The following MED15 variants were observed in gnomAD, a reference collection of about 807,000 sequenced individuals.
The protein encoded by MED15 is mediator complex subunit 15.
In MED15, 41 loss-of-function variants were observed where a neutral mutation model predicts 118.7. That is an observed-to-expected ratio of 0.35 (90% CI 0.27 to 0.45). The LOEUF is 0.45. MED15 is among the 20% of genes least tolerant of loss of function. The pLI, the probability that MED15 is intolerant of heterozygous loss-of-function variation, is 1.00. For missense variants in MED15, 740 were observed against 1,025.5 expected, an observed-to-expected ratio of 0.72 and a Z score of 3.80; for synonymous variants, 436 against 413.9, an observed-to-expected ratio of 1.05 and a Z score of -0.65.
intron 2 of MED15, among the ~76,000 whole-genome samples, chr22:20,538,812 G>A (rs550590808): frequency 4.0e-5 from 6 of 151,858 alleles, no homozygotes; most frequent in East Asian, 2.0e-4. Flanking sequence ...CGATTCTTCC[G>A]CCTCAGCCTC....
At chr22:20,539,474 C>G (rs1231794101) in intron 2 of MED15, among the ~76,000 whole-genome samples, 5 of 152,166 alleles carry the variant, frequency 3.3e-5, no homozygotes, top group African/African-American at 1.2e-4. Flanking sequence ...TATTTTATAG[C>G]CATTCGTTAG....
chr22:20,580,918 T>TA (rs1442252631), intron 9 of MED15, among the ~76,000 whole-genome samples: 1 of 152,200 alleles, frequency 6.6e-6, no homozygotes, highest in African/African-American at 2.4e-5. Context: ...CTCCATTAGG[T>TA]AGAGTGATGA....
At chr22:20,582,783 C>T in intron 10 of MED15, 36 bp downstream of exon 10, 1 of 1,593,618 alleles carries the variant, frequency 6.3e-7, no homozygotes, top group Non-Finnish European at 8.5e-7. Flanking sequence ...CCCACCTGGC[C>T]CTCGAGGCTG....
intron 8 of MED15, 58 bp from the exon 9 acceptor site, chr22:20,575,055 C>T (rs575621049): frequency 1.9e-6 from 3 of 1,606,282 alleles, no homozygotes; most frequent in East Asian, 4.5e-5. Context: ...CTCCACCTGC[C>T]CAGGCACTGA....
intron 5 of MED15, among the ~76,000 whole-genome samples, chr22:20,559,311 G>A (rs753549046): frequency 1.4e-4 from 22 of 152,128 alleles, no homozygotes; most frequent in African/African-American, 2.7e-4. Flanking sequence ...AATGAACAGC[G>A]CATTAGATAC....
At chr22:20,578,035 C>T (rs562354046) in intron 9 of MED15, among the ~76,000 whole-genome samples, 4 of 152,278 alleles carry the variant, frequency 2.6e-5, no homozygotes, top group Non-Finnish European at 5.9e-5. Flanking sequence ...AGCGATTCTC[C>T]TGCCTCAGCC....
intron 1 of MED15, among the ~76,000 whole-genome samples, chr22:20,536,250 G>C (rs1027176770): frequency 2.6e-5 from 4 of 152,002 alleles, no homozygotes; most frequent in African/African-American, 9.7e-5. Flanking sequence ...CAAGAAGGCA[G>C]GCAGTGAGCA....
At position 20,575,117 on chromosome 22, in the gene MED15, T is replaced by A. The variant is rs752384655; in HGVS notation, c.1157T>A (p.Ile386Asn). 2.5e-6 allele frequency: 4 copies of A among 1,613,954 alleles called. No homozygotes were observed. The South Asian group carries it at 3.3e-5, about 13-fold the overall frequency. The change falls in exon 9 of 18, where the codon ATC becomes AAC. Residue 386 changes from isoleucine (I) to asparagine (N), a missense_variant. Coordinates refer to ENST00000263205, the MANE Select transcript of MED15 (RefSeq NM_001003891.3). ...AQMVAPGVQM[I>N]TEALAQGGMH... The stretch of plus-strand genomic sequence containing the variant: ...GTTGTCCCTCTGTCCTCAAAGATGA[T>A]CACGGAAGCCTTGGCCCAAGGTGGG...
chr22:20,527,452 C>T (rs904607866), intron 1 of MED15, among the ~76,000 whole-genome samples: 4 of 147,058 alleles, frequency 2.7e-5, no homozygotes, highest in Admixed American at 6.8e-5. Context: ...TAAATTCTAC[C>T]GTTTTTTTTG....
chr22:20,573,429 T>C (rs5759314), intron 8 of MED15, among the ~76,000 whole-genome samples: 10,459 of 152,330 alleles, frequency 0.069, 721 homozygotes, highest in East Asian at 0.39. Flanking sequence ...GCTACTGTAC[T>C]GAAGCCTTGG....
intron 5 of MED15, among the ~76,000 whole-genome samples, chr22:20,557,658 T>C (rs1227120549): frequency 6.6e-6 from 1 of 152,232 alleles, no homozygotes; most frequent in African/African-American, 2.4e-5. Context: ...TGCCTTGTCA[T>C]CCCACTTCAG....
rs766573549 is a variant in MED15, at chr22:20,585,031, C to G, written c.1964+16C>G. On this transcript the variant is annotated intron_variant, in intron 15 of 17. Transcript: ENST00000263205. The stretch of plus-strand genomic sequence containing the variant: ...CACCCATCACGTATGTCCAGCTGGG[C>G]TGGGCTTTGCGGAGGGCGGCCAGCC... 3 of 1,613,910 alleles carry G rather than the reference C, an allele frequency of 1.9e-6. No individual in the cohort carries two copies. The highest frequency in any genetic ancestry group is 1.7e-6 in the Non-Finnish European group (2 of 1,179,946).
intron 1 of MED15, among the ~76,000 whole-genome samples, chr22:20,535,765 T>A (rs1025984204): frequency 6.6e-6 from 1 of 151,938 alleles, no homozygotes; most frequent in African/African-American, 2.4e-5. Flanking sequence ...TTCACTGTGT[T>A]AGCCAGGATG....
intron 1 of MED15, among the ~76,000 whole-genome samples, chr22:20,515,068 T>A (rs1176268996): frequency 6.6e-6 from 1 of 152,198 alleles, no homozygotes; most frequent in Non-Finnish European, 1.5e-5. Flanking sequence ...ATAGGGCTGC[T>A]CCTGATGGGC....
intron 17 of MED15, among the ~76,000 whole-genome samples, chr22:20,586,353 G>A (rs1486611552): frequency 6.6e-6 from 1 of 152,188 alleles, no homozygotes; most frequent in Non-Finnish European, 1.5e-5. Context: ...CCCCAAGGTT[G>A]TTAGAGGCAG....
intron 2 of MED15, among the ~76,000 whole-genome samples, chr22:20,537,565 G>A (rs1030429127): frequency 1.3e-5 from 2 of 152,200 alleles, no homozygotes; most frequent in African/African-American, 2.4e-5. Context: ...CCTCCTAGGG[G>A]TCCTTACCTA....
intron 8 of MED15, among the ~76,000 whole-genome samples, chr22:20,568,928 C>T (rs2056541378): frequency 6.6e-6 from 1 of 152,118 alleles, no homozygotes; most frequent in Non-Finnish European, 1.5e-5. Context: ...GAACATGTAT[C>T]AGAGAGTAGA....
intron 3 of MED15, chr22:20,552,454 G>A: frequency 2.8e-6 from 1 of 354,246 alleles, no homozygotes; most frequent in Non-Finnish European, 5.9e-6. Context: ...GTGTTGGAAA[G>A]TCACTGGGAT....
chr22:20,585,220 C>G lies in MED15; in HGVS notation c.2084C>G (p.Pro695Arg), dbSNP rs758398193. The change falls in exon 16 of 18, where the codon CCT becomes CGT. Residue 695 changes from proline to arginine, a missense_variant. Coordinates refer to ENST00000263205, the MANE Select transcript of MED15 (RefSeq NM_001003891.3). The part of the protein sequence containing the change: ...LDPKFLVNLD[P>R]SHCSNNGTVH... ...CCCAAGTTCCTGGTAAACCTGGACC[C>G]TTCTCACTGCAGCAACAATGGCACT... 5 of 1,613,568 alleles carry G rather than the reference C, an allele frequency of 3.1e-6. No individual in the cohort carries two copies. The South Asian group carries it at 4.4e-5, about 14-fold the overall frequency.
Sources: allele counts gnomAD v4.1 joint callset (sites outside exome capture counted in the v4.1 genomes callset), GRCh38; gene constraint gnomAD v4.1.1; transcripts MANE v1.5; gene names NCBI Gene and HGNC (gene_info 2026-07-23, HGNC 2026-07-21).